The following GFRA1 variants were observed in gnomAD, a reference collection of about 807,000 sequenced individuals.
GFRA1 encodes the protein GDNF family receptor alpha-1.
Under a neutral mutation model 51.6 loss-of-function variants are expected in GFRA1, and 16 were observed. The observed-to-expected ratio is 0.31, with a 90% CI of 0.21 to 0.47. GFRA1 has a LOEUF of 0.47. Ranked by LOEUF, GFRA1 falls within the 20% of genes least tolerant of loss-of-function variation. The pLI, the probability that GFRA1 is intolerant of heterozygous loss-of-function variation, is 1.00. For missense variants in GFRA1, 530 were observed against 594.3 expected (o/e 0.89, Z 1.13); for synonymous variants, 270 against 241.3 (o/e 1.12, Z -1.10).
At chr10:116,263,058 C>G (rs536890155) in intron 4 of GFRA1, among the ~76,000 whole-genome samples, 1 of 152,290 alleles carries the variant, frequency 6.6e-6, no homozygotes, top group African/African-American at 2.4e-5. Context: ...AAGACCTTCC[C>G]CACAGGGTAG....
chr10:116,100,436 T>G (rs1477351200), intron 6 of GFRA1, among the ~76,000 whole-genome samples: 1 of 152,072 alleles, frequency 6.6e-6, no homozygotes, highest in Admixed American at 6.5e-5. Context: ...GAGCCGGAGA[T>G]CATTCTCAAC....
intron 5 of GFRA1, 86 bp from the exon 6 acceptor site, chr10:116,125,643 T>A: frequency 9.5e-7 from 1 of 1,049,342 alleles, no homozygotes; most frequent in South Asian, 1.3e-5. Context: ...TCCTGCCATT[T>A]ATCTGGCATT....
intron 9 of GFRA1, among the ~76,000 whole-genome samples, chr10:116,081,000 T>C (rs1208481109): frequency 1.3e-5 from 2 of 152,192 alleles, no homozygotes; most frequent in African/African-American, 4.8e-5. Context: ...AAGCTCTCCA[T>C]TGGAAACCCC....
chr10:116,068,280 C>T (rs867828642), intron 9 of GFRA1, among the ~76,000 whole-genome samples: 1 of 152,136 alleles, frequency 6.6e-6, no homozygotes, highest in East Asian at 1.9e-4. Context: ...TCTGGGTGCT[C>T]GGGAAAGCCC....
chr10:116,067,243 T>G (rs375731363), intron 9 of GFRA1, among the ~76,000 whole-genome samples: 1 of 152,202 alleles, frequency 6.6e-6, no homozygotes, highest in African/African-American at 2.4e-5. Flanking sequence ...TAATGTGTAG[T>G]GCTTTACATG....
At chr10:116,133,078 G>A (rs755970319) in intron 5 of GFRA1, among the ~76,000 whole-genome samples, 1 of 149,708 alleles carries the variant, frequency 6.7e-6, no homozygotes, top group Non-Finnish European at 1.5e-5. Context: ...TCTTTAACTT[G>A]GTAGAATGTC....
intron 9 of GFRA1, among the ~76,000 whole-genome samples, chr10:116,088,785 G>A (rs1047341052): frequency 6.6e-6 from 1 of 151,948 alleles, no homozygotes; most frequent in African/African-American, 2.4e-5. Context: ...GCCAGGCGTG[G>A]TGGTGGGCGC....
chr10:116,204,658 T>G (rs1370520242), intron 5 of GFRA1, among the ~76,000 whole-genome samples: 1 of 152,124 alleles, frequency 6.6e-6, no homozygotes, highest in African/African-American at 2.4e-5. Flanking sequence ...CTGAAAGAGC[T>G]CCAAGTGGCC....
intron 6 of GFRA1, among the ~76,000 whole-genome samples, chr10:116,119,371 C>T (rs1326532049): frequency 2.0e-5 from 3 of 152,060 alleles, no homozygotes; most frequent in Non-Finnish European, 4.4e-5. Context: ...TTCAGCACTC[C>T]GAATGCATTG....
intron 4 of GFRA1, among the ~76,000 whole-genome samples, chr10:116,242,343 C>G (rs958680193): frequency 1.3e-5 from 2 of 152,200 alleles, no homozygotes; most frequent in Non-Finnish European, 2.9e-5. Flanking sequence ...AGCAGAGATA[C>G]TTCTTTTTAA....
rs78168442 is a variant in GFRA1 at position 116,129,207 on chromosome 10, C to T, written c.434-3650G>A. Reference sequence around the variant, plus strand: ...TTTGAGGTCAGCATTACCCAAATACCAGAACTGAACAAAGACAAAAGAAGA... The same window carrying T: ...TTTGAGGTCAGCATTACCCAAATACTAGAACTGAACAAAGACAAAAGAAGA... On this transcript the variant is annotated intron_variant, in intron 5 of 10. Coordinates refer to ENST00000355422, the MANE Select transcript of GFRA1 (RefSeq NM_005264.8). 2.1e-3 allele frequency among the ~76,000 whole-genome samples: 323 copies of T among 152,148 alleles called. 6 individuals are homozygous for T. In the East Asian group the frequency reaches 0.043, roughly 20 times the overall value.
chr10:116,186,771 T>C (rs983383247), intron 5 of GFRA1, among the ~76,000 whole-genome samples: 36 of 152,232 alleles, frequency 2.4e-4, no homozygotes, highest in African/African-American at 7.9e-4. Context: ...TAAGATTCTC[T>C]TGACAAATGA....
chr10:116,147,333 C>T (rs535559522), intron 5 of GFRA1, among the ~76,000 whole-genome samples: 32 of 152,244 alleles, frequency 2.1e-4, no homozygotes, highest in South Asian at 1.0e-3. Flanking sequence ...GAGGGGCAGC[C>T]TGACAGATCC....
chr10:116,098,035 T>A (rs1325084754), intron 6 of GFRA1, among the ~76,000 whole-genome samples: 1 of 152,232 alleles, frequency 6.6e-6, no homozygotes, highest in Non-Finnish European at 1.5e-5. Context: ...TGTGTGGGGT[T>A]CTCTCCTTGA....
At chr10:116,097,965 A>C (rs1003715630) in intron 6 of GFRA1, among the ~76,000 whole-genome samples, 2 of 152,202 alleles carry the variant, frequency 1.3e-5, no homozygotes, top group African/African-American at 4.8e-5. Context: ...TTTAACTAGA[A>C]AGGGCATTCA....
intron 4 of GFRA1, among the ~76,000 whole-genome samples, chr10:116,226,096 G>A (rs1031982909): frequency 1.3e-5 from 2 of 152,054 alleles, no homozygotes; most frequent in African/African-American, 4.8e-5. Flanking sequence ...CCAAGGTTTT[G>A]GAGGGGTACT....
chr10:116,079,396 C>G (rs897055862), intron 9 of GFRA1, among the ~76,000 whole-genome samples: 1 of 152,076 alleles, frequency 6.6e-6, no homozygotes, highest in Non-Finnish European at 1.5e-5. Flanking sequence ...GTCCAGTGCA[C>G]CAGTTTACAC....
At chr10:116,067,067 A>G (rs1459005658) in intron 9 of GFRA1, among the ~76,000 whole-genome samples, 13 of 152,240 alleles carry the variant, frequency 8.5e-5, no homozygotes, top group Admixed American at 8.5e-4. Context: ...ACAAGCATCA[A>G]GAATAAGACA....
chr10:116,135,914 A>T (rs1432997491), intron 5 of GFRA1, among the ~76,000 whole-genome samples: 1 of 152,240 alleles, frequency 6.6e-6, no homozygotes, highest in African/African-American at 2.4e-5. Flanking sequence ...CGGCTACAGA[A>T]CTATTAATTG....
Sources: allele counts gnomAD v4.1 joint callset (sites outside exome capture counted in the v4.1 genomes callset), GRCh38; gene constraint gnomAD v4.1.1; transcripts MANE v1.5; gene names NCBI Gene and HGNC (gene_info 2026-07-23, HGNC 2026-07-21).